The following MYO7B variants were observed in gnomAD, a reference collection of about 807,000 sequenced individuals.
The protein encoded by MYO7B is myosin VIIB, also known as unconventional myosin-VIIb.
MYO7B carries 212 observed loss-of-function variants against 259.7 expected under a neutral mutation model. That is an observed-to-expected ratio of 0.82 (90% CI 0.73 to 0.91). The LOEUF is 0.91. MYO7B is among the 40% of genes least tolerant of loss of function. MYO7B has a pLI of 0.00. For missense variants in MYO7B, 2,732 were observed against 2,813.5 expected (o/e 0.97, Z 0.66); for synonymous variants, 1,197 against 1,166.4 (o/e 1.03, Z -0.54).
At chr2:127,569,721 G>T in intron 5 of MYO7B, 68 bp from the exon 6 acceptor site, 1 of 1,541,514 alleles carries the variant, frequency 6.5e-7, no homozygotes, top group South Asian at 1.3e-5. Flanking sequence ...GGGTTTGCAG[G>T]AGAGTTGAGA....
In MYO7B at chr2:127,580,684, G is replaced by A. The variant is rs567040431; in HGVS notation, c.1004-62G>A. On this transcript the variant is annotated intron_variant, in intron 9 of 47. Transcript: ENST00000409816. ...GGGCTGCCAAGGGCCCGGGCCAGTC[G>A]GGACCTTGCTCCCATCGCTCCAGGC... is the stretch of plus-strand genomic sequence containing the variant. 20 of 1,512,368 alleles carry A rather than the reference G, an allele frequency of 1.3e-5. No individual in the cohort carries two copies. In the South Asian group the frequency reaches 1.5e-4, roughly 12 times the overall value. 93.7% of individuals were successfully genotyped at this position (1,512,368 alleles called of 1,614,324 possible).
At chr2:127,536,945 C>G (rs1037552143) in intron 1 of MYO7B, among the ~76,000 whole-genome samples, 18 of 152,306 alleles carry the variant, frequency 1.2e-4, no homozygotes, top group African/African-American at 4.3e-4. Context: ...TAGCACGGGG[C>G]TCTGTGGAGA....
At position 127,636,981 on chromosome 2, in the gene MYO7B, C is replaced by T. The variant is rs1377068585; in HGVS notation, c.6327+68C>T. 4 of 1,592,130 alleles carry T rather than the reference C, an allele frequency of 2.5e-6. No individual in the cohort carries two copies. Among genetic ancestry groups the T allele is most frequent in the Non-Finnish European group, 8.5e-7 (1 of 1,175,740 alleles). ...AGCTGCTGGAGACTGGGTTCCCCAC[C>T]CTCACCCCTTTCAAGTGGCTCACTA... On this transcript the variant is annotated intron_variant, in intron 47 of 47. Coordinates refer to ENST00000409816, the MANE Select transcript of MYO7B (RefSeq NM_001393586.1). This position sits in a 1 kb window ranked among gnomAD's most constrained non-coding sequence, Gnocchi z 4.5.
chr2:127,536,378 C>T (rs1364022658), intron 1 of MYO7B, among the ~76,000 whole-genome samples: 5 of 151,570 alleles, frequency 3.3e-5, no homozygotes, highest in Admixed American at 1.3e-4. Flanking sequence ...CAGGCTTATC[C>T]GCCTTACCCA....
At position 127,573,999 on chromosome 2, in the gene MYO7B, C is replaced by A; in HGVS notation, c.672C>A (p.Ser224Arg). The A allele has an allele frequency of 6.2e-7, 1 of 1,614,064 alleles. No individual in the cohort carries two copies. The highest frequency in any genetic ancestry group is 1.1e-5 in the South Asian group (1 of 91,090). The change falls in exon 7 of 48, where the codon AGC becomes AGA. Residue 224 changes from serine (S) to arginine (R), a missense_variant. This residue lies in a region of MYO7B where 1,906 missense variants were observed against 2,026.4 expected (regional missense o/e 0.94). Transcript: ENST00000409816. ...ACATTGACATCTACTTTAACCCCAGCGGGGTGATCGAGGGCGCGCGCATCG... is the reference window on the plus strand; with the variant it reads ...ACATTGACATCTACTTTAACCCCAGAGGGGTGATCGAGGGCGCGCGCATCG... ...GKYIDIYFNP[S>R]GVIEGARIEQ...
At chr2:127,632,154 G>A (rs1211379088) in intron 38 of MYO7B, 92 bp from the exon 39 acceptor site, 1 of 1,440,394 alleles carries the variant, frequency 6.9e-7, no homozygotes, top group South Asian at 1.4e-5. Context: ...TAGACCCCAG[G>A]CAGCTCTCAC....
Position 127,596,703 on chromosome 2 carries a change from A to G in MYO7B, c.2339+147A>G. On this transcript the variant is annotated intron_variant, in intron 19 of 47. Coordinates refer to ENST00000409816, the MANE Select transcript of MYO7B (RefSeq NM_001393586.1). ...CTTCCAATGCCTTCCAACCAGGGAC[A>G]CTGCAGCCTATGTTGGCCAGAGAAT... 3 of 671,120 alleles carry G rather than the reference A, an allele frequency of 4.5e-6. No individual in the cohort carries two copies. In the Admixed American group the frequency reaches 7.3e-5, roughly 16 times the overall value. The allele number at this position is 671,120 out of a possible 1,614,324, so 41.6% of individuals were successfully genotyped here.
In MYO7B at chr2:127,629,674, G is replaced by C. The variant is rs1309009843; in HGVS notation, c.4654G>C (p.Gly1552Arg). 1 of 1,612,372 alleles carries C rather than the reference G, an allele frequency of 6.2e-7. No individual in the cohort carries two copies. The highest frequency in any genetic ancestry group is 1.7e-4 in the Middle Eastern group (1 of 6,054). Reference protein sequence around the residue: ...DDTTLLAFKKGDLLVLTKKQG... With the variant: ...DDTTLLAFKKRDLLVLTKKQG... ...CACCACCCTCCTGGCCTTCAAGAAG[G>C]GGGACCTGTTGGTCCTCACAAAGAA... The change falls in exon 35 of 48, where the codon GGG becomes CGG. Residue 1552 changes from glycine to arginine, a missense_variant. Around this residue, in one of 3 missense-constraint regions of MYO7B, gnomAD observed 821 missense variants for 769.3 expected, o/e 1.07. Coordinates refer to ENST00000409816, the MANE Select transcript of MYO7B (RefSeq NM_001393586.1).
At chr2:127,635,266 C>A (rs1468044988) in intron 43 of MYO7B, 40 bp downstream of exon 43, 1 of 1,538,058 alleles carries the variant, frequency 6.5e-7, no homozygotes, top group South Asian at 1.1e-5. Context: ...GGGGCCACCC[C>A]CATCTTCCCA....
rs759473647 is a variant in MYO7B at position 127,630,886 on chromosome 2, G to A, written c.4915G>A (p.Glu1639Lys). 39 of 1,596,054 alleles carry A rather than the reference G, an allele frequency of 2.4e-5. No individual in the cohort carries two copies. The highest frequency in any genetic ancestry group is 1.7e-4 in the Middle Eastern group (1 of 6,040). The change falls in exon 36 of 48, where the codon GAG (glutamate) becomes AAG (lysine). Residue 1639 changes from glutamate to lysine, a missense_variant. Coordinates refer to ENST00000409816, the MANE Select transcript of MYO7B (RefSeq NM_001393586.1). ...CAAGGAAAAGCTGCACACCCTGGAG[G>A]AGTTCTCCTATGAGTTCTTCAGGTG... is the stretch of plus-strand genomic sequence containing the variant. ...PPKEKLHTLE[E>K]FSYEFFRAPE... is the part of the protein sequence containing the mutation.
intron 1 of MYO7B, among the ~76,000 whole-genome samples, chr2:127,536,086 G>A (rs907030220): frequency 3.9e-5 from 6 of 152,148 alleles, no homozygotes; most frequent in African/African-American, 9.7e-5. Context: ...TGCTGTAGAA[G>A]GGCAAACTCC....
intron 12 of MYO7B, among the ~76,000 whole-genome samples, chr2:127,583,371 G>C (rs982601309): frequency 6.6e-6 from 1 of 152,284 alleles, no homozygotes; most frequent in Non-Finnish European, 1.5e-5. Flanking sequence ...AGCCGGGGGT[G>C]CAGGGCAGGT....
intron 1 of MYO7B, among the ~76,000 whole-genome samples, chr2:127,542,132 C>A (rs1224155177): frequency 6.6e-6 from 1 of 152,232 alleles, no homozygotes; most frequent in Non-Finnish European, 1.5e-5. Flanking sequence ...ATATCTCCGG[C>A]ACTGTCAGTC....
At chr2:127,574,180 C>T (rs779659169) in intron 7 of MYO7B, 118 bp downstream of exon 7, 7 of 1,310,116 alleles carry the variant, frequency 5.3e-6, no homozygotes, top group Non-Finnish European at 7.4e-6. Flanking sequence ...CCAGAACCCA[C>T]AGGCCTCACT....
rs376811050 is a variant in MYO7B, at chr2:127,584,194, G to C, written c.1416G>C (p.Met472Ile). The C allele has an allele frequency of 3.1e-6, 5 of 1,613,960 alleles. No individual in the cohort carries two copies. The highest frequency in any genetic ancestry group is 4.2e-6 in the Non-Finnish European group (5 of 1,179,876). ...QQFFVQHVFT[M>I]EQEEYRSENI... ...TCTTTGTGCAGCACGTGTTCACCAT[G>C]GAGCAAGAGGAGTACCGCTCGGAGA... Residue 472 changes from methionine to isoleucine, a missense_variant, in exon 13 of 48, where the codon ATG becomes ATC. Met to Ile is a conservative substitution (Grantham distance 10, BLOSUM62 1). Transcript: ENST00000409816. The surrounding 1 kb of genome is among the most constrained non-coding windows in gnomAD (Gnocchi z 5.8).
chr2:127,564,626 G>A (rs953205792), intron 3 of MYO7B, among the ~76,000 whole-genome samples: 1 of 152,178 alleles, frequency 6.6e-6, no homozygotes, highest in African/African-American at 2.4e-5. Context: ...TGGCCCGGGA[G>A]TGACCAGCTC....
intron 39 of MYO7B, 25 bp from the exon 40 acceptor site, chr2:127,633,233 C>T: frequency 7.6e-6 from 12 of 1,577,284 alleles, no homozygotes; most frequent in Non-Finnish European, 1.0e-5. Context: ...GGGGTGGCAC[C>T]TGCAGCACAC....
At chr2:127,566,617 G>T in intron 4 of MYO7B, 26 bp from the exon 5 acceptor site, 1 of 1,540,572 alleles carries the variant, frequency 6.5e-7, no homozygotes, top group East Asian at 2.4e-5. Context: ...GGGGCAGAGG[G>T]CACTGACCAC....
intron 1 of MYO7B, among the ~76,000 whole-genome samples, chr2:127,544,206 A>G (rs544350636): frequency 4.8e-4 from 73 of 152,284 alleles, no homozygotes; most frequent in Non-Finnish European, 8.2e-4. Context: ...CCTCTCAAGT[A>G]GCTGGGACCA....
Sources: allele counts gnomAD v4.1 joint callset (sites outside exome capture counted in the v4.1 genomes callset), GRCh38; gene constraint gnomAD v4.1.1; regional missense constraint gnomAD v4.1.1; non-coding constraint Gnocchi (gnomAD v3.1); transcripts MANE v1.5; gene names NCBI Gene and HGNC (gene_info 2026-07-23, HGNC 2026-07-21).